The following MYO10 variants were observed in gnomAD, a reference collection of about 807,000 sequenced individuals.
The protein encoded by MYO10 is myosin X.
In MYO10, 133 loss-of-function variants were observed where a neutral mutation model predicts 257.3. The observed-to-expected ratio is 0.52, with a 90% CI of 0.45 to 0.60. The LOEUF is 0.60. Ranked by LOEUF, MYO10 falls within the 20% of genes least tolerant of loss-of-function variation. The pLI is 0.00. For synonymous variants in MYO10, 1,104 were observed against 1,028.6 expected (o/e 1.07, Z -1.40); for missense variants, 2,399 against 2,635.7 (o/e 0.91, Z 1.97).
intron 4 of MYO10, 68 bp from the exon 5 acceptor site, chr5:16,783,537 A>G (rs1741487575): frequency 6.8e-7 from 1 of 1,480,226 alleles, no homozygotes; most frequent in Non-Finnish European, 9.2e-7. Flanking sequence ...GCTTTGGTCA[A>G]TGGCACTATA....
rs769063773 is a variant in MYO10 at position 16,761,503 on chromosome 5, G to T, written c.1700C>A (p.Thr567Lys). The T allele has an allele frequency of 6.2e-7, 1 of 1,613,420 alleles. No homozygotes were observed. The highest frequency in any genetic ancestry group is 1.3e-5 in the African/African-American group (1 of 74,968). Residue 567 changes from threonine (T) to lysine (K), a missense_variant, in exon 17 of 41, where the codon ACA (threonine) becomes AAA (lysine). By Grantham distance (78) the Thr-to-Lys change is moderately conservative. Coordinates refer to ENST00000513610, the MANE Select transcript of MYO10 (RefSeq NM_012334.3). ...VRGILEKNRDTFRDDLLNLLR... is the reference protein window; with the variant it reads ...VRGILEKNRDKFRDDLLNLLR... ...CAAATTGAGAAGGTCATCTCGAAAT[G>T]TATCTCTGTTCTTCTCCAAGATACC...
Position 16,677,416 on chromosome 5 carries a change from C to CTTT in MYO10, c.4543-1265_4543-1263dup, listed in dbSNP as rs796474728. Among the ~76,000 whole-genome samples the CTTT allele has an allele frequency of 7.0e-3, 833 of 119,362 alleles. 24 individuals are homozygous for CTTT. The highest frequency in any genetic ancestry group is 0.013 in the South Asian group (42 of 3,316). 78.3% of individuals were successfully genotyped at this position (119,362 alleles called of 152,430 possible). A position where few individuals can be genotyped will look rare whatever the true frequency, so the allele number is the denominator to read the frequency against. On this transcript the variant is annotated intron_variant, in intron 33 of 40. Transcript: ENST00000513610. ...ATGGACTTATTTAGGGTAACTTGACCTTTTTTTTTTTTTTTTTGAGACGGA... is the reference window on the plus strand; with the variant it reads ...ATGGACTTATTTAGGGTAACTTGACCTTTTTTTTTTTTTTTTTTTTGAGACGGA...
At chr5:16,898,937 G>GA (rs1399284404) in intron 1 of MYO10, among the ~76,000 whole-genome samples, 1 of 121,652 alleles carries the variant, frequency 8.2e-6, no homozygotes, top group South Asian at 2.8e-4. Context: ...CCTGAGCCTG[G>GA]CCACCTGGCC....
intron 30 of MYO10, 36 bp downstream of exon 30, chr5:16,683,844 T>C (rs752830753): frequency 5.6e-6 from 9 of 1,607,160 alleles, no homozygotes; most frequent in South Asian, 3.3e-5. Context: ...ACACAGGTGA[T>C]GAGCTGTTTT....
intron 33 of MYO10, 90 bp from the exon 34 acceptor site, chr5:16,676,244 A>G: frequency 1.4e-6 from 2 of 1,466,550 alleles, no homozygotes; most frequent in Non-Finnish European, 1.8e-6. Context: ...CCATAAACCT[A>G]GTGGGGCAAA....
intron 4 of MYO10, among the ~76,000 whole-genome samples, chr5:16,790,895 T>TTATATATATATATATATA (rs576552609): frequency 1.4e-5 from 2 of 144,488 alleles, no homozygotes; most frequent in African/African-American, 5.1e-5. Flanking sequence ...AGTTTTAAAT[T>TTATATATATATATATATA]TATATATATA....
At chr5:16,831,837 AACCAAAC>A (rs1743171590) in intron 2 of MYO10, among the ~76,000 whole-genome samples, 1 of 152,184 alleles carries the variant, frequency 6.6e-6, no homozygotes, top group Admixed American at 6.5e-5. Flanking sequence ...TTATTCATAT[AACCAAAC>A]ACCAACTGTT....
intron 2 of MYO10, among the ~76,000 whole-genome samples, chr5:16,869,031 G>GT (rs984496216): frequency 6.6e-6 from 1 of 151,838 alleles, no homozygotes; most frequent in African/African-American, 2.4e-5. Context: ...TTTGTTTTTT[G>GT]TTTTTTGTTT....
At chr5:16,853,834 C>T (rs1743883744) in intron 2 of MYO10, among the ~76,000 whole-genome samples, 1 of 152,138 alleles carries the variant, frequency 6.6e-6, no homozygotes, top group Non-Finnish European at 1.5e-5. Flanking sequence ...TGCTTTCAAC[C>T]TCCTATCCTC....
At chr5:16,831,946 T>G (rs1168784426) in intron 2 of MYO10, among the ~76,000 whole-genome samples, 2 of 152,052 alleles carry the variant, frequency 1.3e-5, no homozygotes, top group Non-Finnish European at 2.9e-5. Context: ...GTGTGTGTGT[T>G]TATTTATTTA....
At chr5:16,747,970 A>G (rs866590773) in intron 19 of MYO10, among the ~76,000 whole-genome samples, 46 of 150,260 alleles carry the variant, frequency 3.1e-4, no homozygotes, top group Admixed American at 2.0e-4. Context: ...ATACAGGAAG[A>G]AAAAAAAAGA....
chr5:16,858,110 C>G (rs990276496), intron 2 of MYO10, among the ~76,000 whole-genome samples: 6 of 152,228 alleles, frequency 3.9e-5, no homozygotes, highest in Admixed American at 6.5e-5. Flanking sequence ...CCACAAGACG[C>G]TACCTGCTGT....
intron 19 of MYO10, among the ~76,000 whole-genome samples, chr5:16,733,815 T>A (rs1739681583): frequency 6.6e-6 from 1 of 152,118 alleles, no homozygotes; most frequent in African/African-American, 2.4e-5. Flanking sequence ...TCTTCAGGAC[T>A]CTCCAGGCTG....
chr5:16,785,842 C>G (rs1741562801), intron 4 of MYO10, among the ~76,000 whole-genome samples: 1 of 151,970 alleles, frequency 6.6e-6, no homozygotes, highest in Non-Finnish European at 1.5e-5. Context: ...TGCATTCCAG[C>G]CTGGGCAACA....
Position 16,758,169 on chromosome 5 carries a change from G to A in MYO10, c.1797C>T (p.Thr599=). 2 of 1,613,772 alleles carry A rather than the reference G, an allele frequency of 1.2e-6. No homozygotes were observed. Among genetic ancestry groups the A allele is most frequent in the Non-Finnish European group, 1.7e-6 (2 of 1,179,738 alleles). Reference sequence around the variant, plus strand: ...GCCGATGTTTGCTTCCACATTTCAAGGTATCCTGGTTGTTGCGGCTTGAAA... The same window carrying A: ...GCCGATGTTTGCTTCCACATTTCAAAGTATCCTGGTTGTTGCGGCTTGAAA... ...EHVSSRNNQD[T]LKCGSKHRRP... The change falls in exon 18 of 41, where the codon ACC becomes ACT. Residue 599 remains threonine, a synonymous_variant. Coordinates refer to ENST00000513610, the MANE Select transcript of MYO10 (RefSeq NM_012334.3).
At chr5:16,916,195 G>A (rs1355853321) in intron 1 of MYO10, 1 of 451,930 alleles carries the variant, frequency 2.2e-6, no homozygotes, top group African/African-American at 2.0e-5. Context: ...GTCAGGGTCA[G>A]CTAATGCTCA....
At chr5:16,746,978 C>G (rs1476721039) in intron 19 of MYO10, among the ~76,000 whole-genome samples, 2 of 152,226 alleles carry the variant, frequency 1.3e-5, no homozygotes, top group Non-Finnish European at 2.9e-5. Context: ...CAGACCCTCA[C>G]ACCCAGACTC....
At chr5:16,702,466 T>C in intron 24 of MYO10, 77 bp downstream of exon 24, 1 of 1,310,566 alleles carries the variant, frequency 7.6e-7, no homozygotes, top group Non-Finnish European at 1.1e-6. Flanking sequence ...AATTCAGTTT[T>C]GAATCCTAGA....
chr5:16,807,732 G>A (rs1742321621), intron 3 of MYO10, among the ~76,000 whole-genome samples: 1 of 151,942 alleles, frequency 6.6e-6, no homozygotes, highest in African/African-American at 2.4e-5. Context: ...CCTCCTTCTT[G>A]GCCAAATTCC....
Sources: gnomAD v4.1 joint callset for allele counts (sites outside exome capture counted in the v4.1 genomes callset) on GRCh38, gnomAD v4.1.1 for gene constraint, MANE v1.5 for transcripts, NCBI Gene and HGNC (gene_info 2026-07-23, HGNC 2026-07-21) for gene names.